PLXNA4: variants seen among roughly 807,000 people sequenced by gnomAD.
The protein encoded by PLXNA4 is plexin-A4.
A neutral mutation model predicts 191.8 loss-of-function variants in PLXNA4; 44 were observed. The observed-to-expected ratio is 0.23, with a 90% CI of 0.18 to 0.29. PLXNA4 has a LOEUF of 0.29. PLXNA4 is among the 10% of genes least tolerant of loss of function. The probability of loss-of-function intolerance (pLI) is 1.00; values close to 1 mark genes in which losing one functional copy is unlikely to be tolerated. For missense variants in PLXNA4, 1,800 were observed against 2,488.8 expected (o/e 0.72, Z 5.89); for synonymous variants, 1,082 against 1,009.5 (o/e 1.07, Z -1.36).
rs1340798565 is a variant in PLXNA4, at chr7:132,124,064, C to T, written c.*6415G>A. 1 of 152,234 alleles carries T rather than the reference C, an allele frequency of 6.6e-6. No individual in the cohort carries two copies. The highest frequency in any genetic ancestry group is 2.4e-5 in the African/African-American group (1 of 41,456). 9.4% of individuals were successfully genotyped at this position (152,234 alleles called of 1,614,324 possible). ...AGTGGCATCCAATCCTTCCTTCCCA[C>T]CTCAGGGCCTGGAGGCCTTGTTCCT... On this transcript the variant is annotated 3_prime_UTR_variant, in exon 32 of 32. Coordinates refer to ENST00000321063, the MANE Select transcript of PLXNA4 (RefSeq NM_020911.2).
intron 3 of PLXNA4, among the ~76,000 whole-genome samples, chr7:132,392,870 C>T (rs1448302605): frequency 1.3e-5 from 2 of 152,066 alleles, no homozygotes; most frequent in South Asian, 4.2e-4. Context: ...ACAAAACAGG[C>T]GTGATCATTC....
chr7:132,358,372 A>T (rs1351464202), intron 3 of PLXNA4, among the ~76,000 whole-genome samples: 1 of 152,078 alleles, frequency 6.6e-6, no homozygotes, highest in African/African-American at 2.4e-5. Context: ...ATATACCCAC[A>T]GTCTTTTGGG....
At chr7:132,186,106 A>T (rs1796870623) in intron 15 of PLXNA4, among the ~76,000 whole-genome samples, 1 of 152,120 alleles carries the variant, frequency 6.6e-6, no homozygotes, top group African/African-American at 2.4e-5. Flanking sequence ...TCAAGGAAAA[A>T]TCCTCTCTCT....
intron 3 of PLXNA4, among the ~76,000 whole-genome samples, chr7:132,359,038 GA>G (rs1253573399): frequency 2.0e-5 from 3 of 152,178 alleles, no homozygotes; most frequent in Non-Finnish European, 1.5e-5. Context: ...CCAATGGCTT[GA>G]CTAGTGAGGT....
At chr7:132,133,485 C>T (rs896166) in intron 30 of PLXNA4, among the ~76,000 whole-genome samples, 85,695 of 151,982 alleles carry the variant, frequency 0.56, 28,627 homozygotes, top group East Asian at 0.83. Context: ...GGTCCCAACT[C>T]GGGCATCCTC....
intron 1 of PLXNA4, among the ~76,000 whole-genome samples, chr7:132,534,377 A>T (rs1428564674): frequency 6.6e-6 from 1 of 152,152 alleles, no homozygotes; most frequent in Non-Finnish European, 1.5e-5. Flanking sequence ...CCCATGAAAC[A>T]GCAGCAACTT....
chr7:132,132,919 C>G, intron 31 of PLXNA4, 130 bp downstream of exon 31: 1 of 1,349,376 alleles, frequency 7.4e-7, no homozygotes, highest in Non-Finnish European at 9.9e-7. Flanking sequence ...AGCCCCAGGT[C>G]CTCAGTGGTG....
At chr7:132,138,635 G>A (rs1795181495) in intron 30 of PLXNA4, among the ~76,000 whole-genome samples, 1 of 152,220 alleles carries the variant, frequency 6.6e-6, no homozygotes, top group African/African-American at 2.4e-5. Context: ...GTAAGTGAAA[G>A]ATGACTTTCT....
chr7:132,456,668 C>G (rs1175981287), intron 3 of PLXNA4, among the ~76,000 whole-genome samples: 1 of 150,398 alleles, frequency 6.6e-6, no homozygotes. Flanking sequence ...AGACTGAGCC[C>G]AGGATGGGCC....
At chr7:132,158,123 C>G (rs1237782052) in intron 25 of PLXNA4, among the ~76,000 whole-genome samples, 1 of 152,226 alleles carries the variant, frequency 6.6e-6, no homozygotes, top group East Asian at 1.9e-4. Flanking sequence ...TATCCAAGCT[C>G]AGAGCACAGG....
intron 3 of PLXNA4, among the ~76,000 whole-genome samples, chr7:132,396,525 C>G (rs1053625890): frequency 2.0e-5 from 3 of 152,172 alleles, no homozygotes; most frequent in Admixed American, 1.3e-4. Flanking sequence ...CAGTCAACCC[C>G]TATCACCAAG....
At chr7:132,250,610 G>A (rs929883969) in intron 4 of PLXNA4, among the ~76,000 whole-genome samples, 1 of 152,170 alleles carries the variant, frequency 6.6e-6, no homozygotes. Context: ...GGGTTGCAAT[G>A]TGTGAGATTC....
At chr7:132,423,835 C>A (rs1484326667) in intron 3 of PLXNA4, among the ~76,000 whole-genome samples, 1 of 152,172 alleles carries the variant, frequency 6.6e-6, no homozygotes, top group Non-Finnish European at 1.5e-5. Context: ...TTGCGTTACT[C>A]ACATAGCAAC....
rs146190906 is a variant in PLXNA4 at position 132,647,791 on chromosome 7, TACAC to T, written c.-203+719_-203+722del. Among the ~76,000 whole-genome samples, 713 of 151,070 alleles carry T rather than the reference TACAC, an allele frequency of 4.7e-3. 9 individuals carry two copies. The highest frequency in any genetic ancestry group is 0.016 in the African/African-American group (677 of 41,144). The stretch of plus-strand genomic sequence containing the variant: ...ACAAACACTATCATATACACACATA[TACAC>T]ACACAGTCACACACATACACATACA... On this transcript the variant is annotated intron_variant, in intron 1 of 4. Transcript: ENST00000378539.
At chr7:132,350,117 A>G (rs1803422357) in intron 3 of PLXNA4, among the ~76,000 whole-genome samples, 1 of 152,198 alleles carries the variant, frequency 6.6e-6, no homozygotes, top group African/African-American at 2.4e-5. Context: ...AAGGGGTTCA[A>G]GATGATCTGG....
At chr7:132,189,021 AG>A (rs1796997284) in intron 14 of PLXNA4, among the ~76,000 whole-genome samples, 2 of 88,072 alleles carry the variant, frequency 2.3e-5, no homozygotes, top group African/African-American at 1.0e-4. Context: ...AGAGAGAGAG[AG>A]AGAGAGAAAG....
chr7:132,612,756 G>A (rs902958320), intron 2 of PLXNA4, among the ~76,000 whole-genome samples: 7 of 151,796 alleles, frequency 4.6e-5, no homozygotes, highest in Non-Finnish European at 1.0e-4. Flanking sequence ...ATTGGGTGCA[G>A]GGAGGGCCTG....
chr7:132,450,063 C>T (rs1796063840), intron 3 of PLXNA4, among the ~76,000 whole-genome samples: 1 of 152,212 alleles, frequency 6.6e-6, no homozygotes, highest in Non-Finnish European at 1.5e-5. Flanking sequence ...CCCCTCTGTC[C>T]TCCAGGAAGG....
At chr7:132,298,869 CACA>C (rs1346661938) in intron 3 of PLXNA4, among the ~76,000 whole-genome samples, 1 of 152,266 alleles carries the variant, frequency 6.6e-6, no homozygotes, top group African/African-American at 2.4e-5. Flanking sequence ...ATGAGTCATC[CACA>C]ACCTTCTGCA....
Sources: gnomAD v4.1 joint callset for allele counts (sites outside exome capture counted in the v4.1 genomes callset) on GRCh38, gnomAD v4.1.1 for gene constraint, MANE v1.5 for transcripts, NCBI Gene and HGNC (gene_info 2026-07-23, HGNC 2026-07-21) for gene names.